The following MEF2A variants were observed in gnomAD, a reference collection of about 807,000 sequenced individuals.
MEF2A encodes the protein myocyte enhancer factor 2A, also known as myocyte-specific enhancer factor 2A.
MEF2A carries 28 observed loss-of-function variants against 55.8 expected under a neutral mutation model. That is an observed-to-expected ratio of 0.50 (90% CI 0.37 to 0.69). The LOEUF (loss-of-function observed/expected upper bound fraction) is 0.69. Ranked by LOEUF, MEF2A falls within the 30% of genes least tolerant of loss-of-function variation. MEF2A has a pLI of 0.00. For synonymous variants in MEF2A, 239 were observed against 227.1 expected (o/e 1.05, Z -0.47); for missense variants, 528 against 626.2 (o/e 0.84, Z 1.67).
At position 99,689,471 on chromosome 15, in the gene MEF2A, ATG is replaced by A. The variant is rs2054936854; in HGVS notation, c.671-767_671-766del. On this transcript the variant is annotated intron_variant, in intron 7 of 11. Transcript: ENST00000557942. The stretch of plus-strand genomic sequence containing the variant: ...CCCAGTATGAGATGCCCTCTTAGAA[ATG>A]TGGTCTTTTGCTTGTTTGTTTCTTT... Among the ~76,000 whole-genome samples, 3 of 152,120 alleles carry A rather than the reference ATG, an allele frequency of 2.0e-5. No homozygotes were observed. In the South Asian group the frequency reaches 6.2e-4, roughly 32 times the overall value.
intron 2 of MEF2A, among the ~76,000 whole-genome samples, chr15:99,616,213 G>T (rs1323334712): frequency 6.6e-6 from 1 of 152,106 alleles, no homozygotes; most frequent in Non-Finnish European, 1.5e-5. Flanking sequence ...ACAAAGTAAA[G>T]ACTTTATTAA....
At chr15:99,597,172 A>G (rs1023360521) in intron 1 of MEF2A, among the ~76,000 whole-genome samples, 1 of 152,226 alleles carries the variant, frequency 6.6e-6, no homozygotes. Context: ...CGGGTGGAAC[A>G]GAGCCATATT....
chr15:99,566,153 G>C (rs1959197810), intron 1 of MEF2A, 49 bp downstream of exon 1: 3 of 151,810 alleles, frequency 2.0e-5, no homozygotes, highest in African/African-American at 7.3e-5. Flanking sequence ...GGTAGTGCTG[G>C]AGGGGGGCGG....
chr15:99,634,086 G>T (rs1026028263), intron 3 of MEF2A, among the ~76,000 whole-genome samples: 2 of 152,166 alleles, frequency 1.3e-5, no homozygotes, highest in South Asian at 4.1e-4. Flanking sequence ...GGAAAGTTGC[G>T]TATCAGGAGA....
chr15:99,639,039 TA>T (rs34380257), intron 3 of MEF2A, among the ~76,000 whole-genome samples: 1 of 151,932 alleles, frequency 6.6e-6, no homozygotes. Context: ...CTCATATACT[TA>T]AAAAAAAGAA....
At chr15:99,671,477 T>C (rs1411539332) in intron 5 of MEF2A, 23 bp downstream of exon 5, 1 of 1,613,796 alleles carries the variant, frequency 6.2e-7, no homozygotes, top group Admixed American at 1.7e-5. Context: ...ACTTTACCTC[T>C]ACTTTTTATT....
chr15:99,711,370 A>G (rs2153828186), intron 11 of MEF2A, among the ~76,000 whole-genome samples: 1 of 152,358 alleles, frequency 6.6e-6, no homozygotes, highest in Non-Finnish European at 1.5e-5. Context: ...CCTCATTCAC[A>G]AAGAGAATGT....
Position 99,713,107 on chromosome 15 carries a change from T to G in MEF2A, c.*336T>G. 2.3e-6 allele frequency: 1 copy of G among 440,662 alleles called. No individual in the cohort carries two copies. The highest frequency in any genetic ancestry group is 4.0e-6 in the Non-Finnish European group (1 of 250,070). 27.3% of individuals were successfully genotyped at this position (440,662 alleles called of 1,614,324 possible). ...CAGAGAAACGTGTACCCATATATAA[T>G]TCTCCCACACTAGCTTGCAGAAACC... On this transcript the variant is annotated 3_prime_UTR_variant, in exon 12 of 12. Coordinates refer to ENST00000557942, the MANE Select transcript of MEF2A (RefSeq NM_001319206.4).
chr15:99,708,171 T>C (rs916159082), intron 10 of MEF2A, among the ~76,000 whole-genome samples: 1 of 152,236 alleles, frequency 6.6e-6, no homozygotes. Flanking sequence ...GGGACATAGC[T>C]TTCTCCAAGT....
chr15:99,593,855 C>G (rs2152992843), intron 1 of MEF2A, among the ~76,000 whole-genome samples: 1 of 152,236 alleles, frequency 6.6e-6, no homozygotes, highest in Admixed American at 6.5e-5. Flanking sequence ...GGTCTTGTTT[C>G]TTTCAGGAGT....
chr15:99,712,742 C>T lies in MEF2A; in HGVS notation c.1489C>T (p.Arg497Ter), dbSNP rs2058805082. 2 of 1,561,726 alleles carry T rather than the reference C, an allele frequency of 1.3e-6. No individual in the cohort carries two copies. Among genetic ancestry groups the T allele is most frequent in the Non-Finnish European group, 1.7e-6 (2 of 1,152,782 alleles). ...TEDRESPSVK[R>*]MRMDAWVT Reference sequence around the variant, plus strand: ...GGACAGAGAAAGCCCTTCTGTAAAGCGAATGAGGATGGACGCGTGGGTGAC... The same window carrying T: ...GGACAGAGAAAGCCCTTCTGTAAAGTGAATGAGGATGGACGCGTGGGTGAC... Residue 497 changes from arginine (R) to a stop codon, truncating the protein, a stop_gained, in exon 12 of 12, where the codon CGA becomes TGA. Transcript: ENST00000557942. LOFTEE classifies it high-confidence loss of function. This position sits in a 1 kb window ranked among gnomAD's most constrained non-coding sequence, Gnocchi z 4.1.
intron 4 of MEF2A, among the ~76,000 whole-genome samples, chr15:99,650,059 T>C (rs1275929619): frequency 1.3e-5 from 2 of 152,186 alleles, no homozygotes. Flanking sequence ...CTTGTTAATA[T>C]CTGGTGCACT....
chr15:99,597,987 TAAC>T (rs776841635), intron 1 of MEF2A, among the ~76,000 whole-genome samples: 7 of 152,354 alleles, frequency 4.6e-5, no homozygotes, highest in African/African-American at 7.2e-5. Context: ...TTTATGGTGA[TAAC>T]AATTATTTCA....
At chr15:99,603,447 A>T (rs1974003757) in intron 2 of MEF2A, among the ~76,000 whole-genome samples, 1 of 149,254 alleles carries the variant, frequency 6.7e-6, no homozygotes, top group Non-Finnish European at 1.5e-5. Context: ...ATCTTGCCTC[A>T]CTACAACCTC....
intron 8 of MEF2A, 22 bp from the exon 9 acceptor site, chr15:99,703,340 C>T (rs772642009): frequency 9.8e-5 from 158 of 1,612,046 alleles, no homozygotes; most frequent in Non-Finnish European, 1.3e-4. Flanking sequence ...ACTCTCTTAT[C>T]CCTCTTATGT....
intron 1 of MEF2A, among the ~76,000 whole-genome samples, chr15:99,578,321 A>T (rs1159329740): frequency 6.6e-6 from 1 of 152,160 alleles, no homozygotes; most frequent in African/African-American, 2.4e-5. Context: ...TTGCAATCTG[A>T]TGCTGTTGCT....
chr15:99,623,876 T>C (rs1236192515), intron 2 of MEF2A, among the ~76,000 whole-genome samples: 1 of 149,960 alleles, frequency 6.7e-6, no homozygotes, highest in Non-Finnish European at 1.5e-5. Flanking sequence ...GGTGCGATCA[T>C]GGCTCACTGC....
At chr15:99,583,847 G>A (rs1966608796) in intron 1 of MEF2A, among the ~76,000 whole-genome samples, 1 of 152,112 alleles carries the variant, frequency 6.6e-6, no homozygotes, top group Admixed American at 6.5e-5. Context: ...ACAGTCATGA[G>A]TCACTTAATG....
chr15:99,582,954 A>G (rs892803088), intron 1 of MEF2A, among the ~76,000 whole-genome samples: 6 of 152,128 alleles, frequency 3.9e-5, no homozygotes, highest in African/African-American at 1.4e-4. Flanking sequence ...GTTCTCTTCC[A>G]CGGAAGAAGG....
Sources: allele counts gnomAD v4.1 joint callset (sites outside exome capture counted in the v4.1 genomes callset), GRCh38; gene constraint gnomAD v4.1.1; non-coding constraint Gnocchi (gnomAD v3.1); transcripts MANE v1.5; gene names NCBI Gene and HGNC (gene_info 2026-07-23, HGNC 2026-07-21).